Variants in NECAB1 observed in about 807,000 individuals in gnomAD.
NECAB1 encodes N-terminal EF-hand calcium-binding protein 1.
A neutral mutation model predicts 57.5 loss-of-function variants in NECAB1; 29 were observed. The observed-to-expected ratio is 0.50, with a 90% CI of 0.38 to 0.69. NECAB1 has a LOEUF of 0.69. Ranked by LOEUF, NECAB1 falls within the 30% of genes least tolerant of loss-of-function variation. The probability of loss-of-function intolerance (pLI) is 0.00; values close to 1 mark genes in which losing one functional copy is unlikely to be tolerated. For synonymous variants in NECAB1, 142 were observed against 147.7 expected (o/e 0.96, Z 0.28); for missense variants, 372 against 413.8 (o/e 0.90, Z 0.88).
chr8:90,921,599 A>C (rs1360295950), intron 6 of NECAB1, among the ~76,000 whole-genome samples: 1 of 152,000 alleles, frequency 6.6e-6, no homozygotes, highest in Non-Finnish European at 1.5e-5. Context: ...ACTTGAACCC[A>C]GGAGGCGGAG....
intron 11 of NECAB1, among the ~76,000 whole-genome samples, chr8:90,950,741 A>C (rs1040607681): frequency 6.6e-6 from 1 of 152,176 alleles, no homozygotes; most frequent in Non-Finnish European, 1.5e-5. Context: ...CTTCCAGGCC[A>C]ACACTTTCAC....
chr8:90,865,295 C>T (rs1389762785), intron 3 of NECAB1, among the ~76,000 whole-genome samples: 1 of 151,984 alleles, frequency 6.6e-6, no homozygotes, highest in Non-Finnish European at 1.5e-5. Context: ...ATAGTCTGAC[C>T]CTAATTTGCC....
intron 10 of NECAB1, among the ~76,000 whole-genome samples, chr8:90,945,716 T>C (rs1297642018): frequency 1.3e-5 from 2 of 152,152 alleles, no homozygotes; most frequent in African/African-American, 4.8e-5. Flanking sequence ...ATCCCACCTG[T>C]TCCTGAGCCA....
chr8:90,883,791 C>G (rs1415271135), intron 5 of NECAB1, among the ~76,000 whole-genome samples: 1 of 152,114 alleles, frequency 6.6e-6, no homozygotes, highest in African/African-American at 2.4e-5. Context: ...AAACCAGAAC[C>G]CTCTGTCTGA....
At chr8:90,895,712 G>A (rs1000175212) in intron 5 of NECAB1, among the ~76,000 whole-genome samples, 1 of 152,238 alleles carries the variant, frequency 6.6e-6, no homozygotes, top group Admixed American at 6.5e-5. Flanking sequence ...CTTGCCCCAT[G>A]AAGTTAAATG....
rs548813693 is a variant in NECAB1, at chr8:90,871,294, T to C, written c.234-834T>C. Reference sequence around the variant, plus strand: ...GAATTACTGTTAAATTTTTAGGAAATTCCCATTCAGCATTTGCTAATATGA... The same window carrying C: ...GAATTACTGTTAAATTTTTAGGAAACTCCCATTCAGCATTTGCTAATATGA... On this transcript the variant is annotated intron_variant, in intron 3 of 12. Coordinates refer to ENST00000417640, the MANE Select transcript of NECAB1 (RefSeq NM_022351.5). Among the ~76,000 whole-genome samples, 3 of 152,302 alleles carry C rather than the reference T, an allele frequency of 2.0e-5. No individual in the cohort carries two copies. The South Asian group carries it at 6.2e-4, about 32-fold the overall frequency.
At chr8:90,830,782 A>C (rs1009531505) in intron 3 of NECAB1, among the ~76,000 whole-genome samples, 5 of 152,116 alleles carry the variant, frequency 3.3e-5, no homozygotes, top group African/African-American at 9.7e-5. Context: ...AATACTTTGC[A>C]TGCCAGATGA....
At chr8:90,796,301 C>T (rs964270088) in intron 1 of NECAB1, among the ~76,000 whole-genome samples, 1 of 152,196 alleles carries the variant, frequency 6.6e-6, no homozygotes, top group Non-Finnish European at 1.5e-5. Flanking sequence ...ATGGGAGAGA[C>T]TCCTGCCGAC....
chr8:90,883,042 TC>T (rs1808881412), intron 5 of NECAB1, among the ~76,000 whole-genome samples: 1 of 152,184 alleles, frequency 6.6e-6, no homozygotes, highest in African/African-American at 2.4e-5. Flanking sequence ...TATATAATCT[TC>T]TTTATTTCCT....
chr8:90,834,024 A>C (rs1812330775), intron 3 of NECAB1, among the ~76,000 whole-genome samples: 1 of 151,948 alleles, frequency 6.6e-6, no homozygotes, highest in African/African-American at 2.4e-5. Context: ...TTAGCTAGGC[A>C]TGGTGGCGCA....
At chr8:90,837,111 C>A (rs1004953082) in intron 3 of NECAB1, among the ~76,000 whole-genome samples, 3 of 152,208 alleles carry the variant, frequency 2.0e-5, no homozygotes, top group Non-Finnish European at 4.4e-5. Context: ...GGGAAATTAA[C>A]CTTTAAAAAA....
intron 6 of NECAB1, among the ~76,000 whole-genome samples, chr8:90,918,540 A>G (rs948838121): frequency 3.3e-5 from 5 of 152,198 alleles, no homozygotes; most frequent in African/African-American, 1.2e-4. Flanking sequence ...AAGATTAAAT[A>G]TGGATAGAGG....
At chr8:90,919,928 C>T (rs1236473425) in intron 6 of NECAB1, among the ~76,000 whole-genome samples, 1 of 152,150 alleles carries the variant, frequency 6.6e-6, no homozygotes, top group Non-Finnish European at 1.5e-5. Context: ...CATTTACCAC[C>T]ATGCTGTGAA....
Position 90,797,075 on chromosome 8 carries a change from C to T in NECAB1, c.100-4616C>T, listed in dbSNP as rs1004505052. Among the ~76,000 whole-genome samples, 3 of 152,176 alleles carry T rather than the reference C, an allele frequency of 2.0e-5. No homozygotes were observed. The East Asian group carries it at 5.8e-4, about 29-fold the overall frequency. On this transcript the variant is annotated intron_variant, in intron 1 of 12. Transcript: ENST00000417640. ...GGATGCGTTTCATGTCTCCCTGACT[C>T]TCAGCTGGGGCTCCATGGTTGCAGA...
intron 4 of NECAB1, among the ~76,000 whole-genome samples, chr8:90,880,530 T>TG (rs1334166428): frequency 8.6e-6 from 1 of 116,294 alleles, no homozygotes. Context: ...CCCAAATTGT[T>TG]GGAAAAAAAA....
intron 3 of NECAB1, among the ~76,000 whole-genome samples, chr8:90,844,654 A>C (rs1239908237): frequency 6.6e-6 from 1 of 152,186 alleles, no homozygotes; most frequent in Non-Finnish European, 1.5e-5. Context: ...CTACAGGGGA[A>C]AACAGCATAG....
chr8:90,876,460 C>G (rs910597470), intron 4 of NECAB1, among the ~76,000 whole-genome samples: 3 of 151,984 alleles, frequency 2.0e-5, no homozygotes, highest in Non-Finnish European at 4.4e-5. Flanking sequence ...TGAGAGTCAT[C>G]TAAACTCATG....
chr8:90,871,930 G>C (rs1438188475), intron 3 of NECAB1, among the ~76,000 whole-genome samples, 198 bp from the exon 4 acceptor site: 1 of 152,080 alleles, frequency 6.6e-6, no homozygotes, highest in Non-Finnish European at 1.5e-5. Flanking sequence ...GGAATTATTT[G>C]TCCGAAGAAT....
At chr8:90,817,012 G>A (rs984074211) in intron 2 of NECAB1, among the ~76,000 whole-genome samples, 6 of 149,518 alleles carry the variant, frequency 4.0e-5, no homozygotes, top group Non-Finnish European at 9.0e-5. Flanking sequence ...GTAGTTTTCT[G>A]CATTTAGAAC....
Sources: allele counts gnomAD v4.1 joint callset (sites outside exome capture counted in the v4.1 genomes callset), GRCh38; gene constraint gnomAD v4.1.1; transcripts MANE v1.5; gene names NCBI Gene and HGNC (gene_info 2026-07-23, HGNC 2026-07-21).